The following FBXO2 variants were observed in gnomAD, a reference collection of about 807,000 sequenced individuals.
The protein encoded by FBXO2 is F-box only protein 2.
Under a neutral mutation model 38.6 loss-of-function variants are expected in FBXO2, and 32 were observed. That is an observed-to-expected ratio of 0.83 (90% CI 0.62 to 1.11). The LOEUF is 1.11. Among genes scored for constraint, FBXO2 ranks in the 50% most tolerant of loss-of-function variants. The pLI, the probability that FBXO2 is intolerant of heterozygous loss-of-function variation, is 0.00. For missense variants in FBXO2, 450 were observed against 418.3 expected, an observed-to-expected ratio of 1.08 and a Z score of -0.66; for synonymous variants, 189 against 182.9, an observed-to-expected ratio of 1.03 and a Z score of -0.27.
In FBXO2 at chr1:11,648,444, TGCAGGGAATCA is replaced by T. The variant is rs1639452527; in HGVS notation, c.*239_*249del. 2 of 556,448 alleles carry T rather than the reference TGCAGGGAATCA, an allele frequency of 3.6e-6. No individual in the cohort carries two copies. Among genetic ancestry groups the T allele is most frequent in the Non-Finnish European group, 6.4e-6 (2 of 311,294 alleles). The allele number at this position is 556,448 out of a possible 1,614,324, so 34.5% of individuals were successfully genotyped here. On this transcript the variant is annotated 3_prime_UTR_variant, in exon 6 of 6. Coordinates refer to ENST00000354287, the MANE Select transcript of FBXO2 (RefSeq NM_012168.6). The surrounding 1 kb of genome is among the most constrained non-coding windows in gnomAD (Gnocchi z 4.2). Reference sequence around the variant, plus strand: ...ACTTTGTGGCAAGCACTGTGCTAGGTGCAGGGAATCAGCAGTGGGTCCAGTCCAAGCTCACG... The same window carrying T: ...ACTTTGTGGCAAGCACTGTGCTAGGTGCAGTGGGTCCAGTCCAAGCTCACG...
At chr1:11,650,860 T>C in intron 1 of FBXO2, 26 bp from the exon 2 acceptor site, 1 of 1,557,730 alleles carries the variant, frequency 6.4e-7, no homozygotes, top group Non-Finnish European at 8.6e-7. Context: ...GGTGGGAGGC[T>C]GTGATTCCTC....
intron 1 of FBXO2, among the ~76,000 whole-genome samples, chr1:11,651,202 T>C (rs1639516267): frequency 6.6e-6 from 1 of 152,226 alleles, no homozygotes; most frequent in Admixed American, 6.5e-5. Flanking sequence ...CTGAGATTCC[T>C]GCTCCCCTCA....
rs974271454 is a variant in FBXO2, at chr1:11,648,618, A to T, written c.*76T>A. The T allele has an allele frequency of 6.4e-7, 1 of 1,563,602 alleles. No individual in the cohort carries two copies. Among genetic ancestry groups the T allele is most frequent in the Non-Finnish European group, 8.7e-7 (1 of 1,145,176 alleles). On this transcript the variant is annotated 3_prime_UTR_variant, in exon 6 of 6. Transcript: ENST00000354287. This position sits in a 1 kb window ranked among gnomAD's most constrained non-coding sequence, Gnocchi z 4.2. ...GTGGCTTGGGGAAGGTGAGGACGCT[A>T]TGGACTAAGTTAAGGCCTATCTACC...
chr1:11,651,786 A>G (rs1639524646), intron 1 of FBXO2, among the ~76,000 whole-genome samples: 1 of 151,772 alleles, frequency 6.6e-6, no homozygotes. Flanking sequence ...CCTCCCGGGT[A>G]GCTGGAAGCT....
intron 2 of FBXO2, 128 bp from the exon 3 acceptor site, chr1:11,650,202 G>A: frequency 7.1e-7 from 1 of 1,414,320 alleles, no homozygotes; most frequent in Non-Finnish European, 9.6e-7. Flanking sequence ...GAATGAGAGG[G>A]TGGACCAGTG....
rs1420255000 is a variant in FBXO2, at chr1:11,650,623, C to T, written c.234G>A (p.Trp78Ter). ...GCGGGGCGCCGTCCACCAGCTCCTTCCAGCGCAGGCACACCAGGCGGCAGG... is the reference window on the plus strand; with the variant it reads ...GCGGGGCGCCGTCCACCAGCTCCTTTCAGCGCAGGCACACCAGGCGGCAGG... ...VQACRLVCLR[W>*]KELVDGAPLW... The change falls in exon 2 of 6, where the codon TGG (tryptophan) becomes TGA (stop). Residue 78 changes from tryptophan (W) to a stop codon, truncating the protein, a stop_gained. Coordinates refer to ENST00000354287, the MANE Select transcript of FBXO2 (RefSeq NM_012168.6). LOFTEE classifies it high-confidence loss of function. The T allele has an allele frequency of 1.3e-6, 2 of 1,585,692 alleles. No individual in the cohort carries two copies. Among genetic ancestry groups the T allele is most frequent in the East Asian group, 2.3e-5 (1 of 43,956 alleles).
In FBXO2 at chr1:11,650,664, CG is replaced by C. The variant is rs766533338; in HGVS notation, c.192del (p.Ala65ProfsTer52). 1 of 1,548,276 alleles carries C rather than the reference CG, an allele frequency of 6.5e-7. No individual in the cohort carries two copies. The highest frequency in any genetic ancestry group is 8.7e-7 in the Non-Finnish European group (1 of 1,152,688). ...AGGCGGCAGGCCTGCACCAGCTCGG[CG>C]GCCGGCAGTGCGGCCAGCACGCGCA... ...LLLRVLAALP[A>X]AELVQACRLV... On this transcript the variant is annotated frameshift_variant, in exon 2 of 6. Coordinates refer to ENST00000354287, the MANE Select transcript of FBXO2 (RefSeq NM_012168.6). LOFTEE classifies it high-confidence loss of function.
Position 11,650,850 on chromosome 1 carries a change from G to A in FBXO2, c.23-16C>T, listed in dbSNP as rs1251653888. The stretch of plus-strand genomic sequence containing the variant: ...CCCACGCTCTCTGCAGGCAGGGATG[G>A]GTGGGAGGCTGTGATTCCTCCACCC... On this transcript the variant is annotated splice_polypyrimidine_tract_variant and intron_variant, in intron 1 of 5. Coordinates refer to ENST00000354287, the MANE Select transcript of FBXO2 (RefSeq NM_012168.6). 1.3e-6 allele frequency: 2 copies of A among 1,556,790 alleles called. No individual in the cohort carries two copies. The highest frequency in any genetic ancestry group is 1.2e-5 in the South Asian group (1 of 86,284).
Position 11,650,781 on chromosome 1 carries a change from T to C in FBXO2, c.76A>G (p.Ser26Gly), listed in dbSNP as rs764571902. 2 of 1,535,078 alleles carry C rather than the reference T, an allele frequency of 1.3e-6. No homozygotes were observed. The highest frequency in any genetic ancestry group is 2.5e-5 in the East Asian group (1 of 40,650). ...TCCTCCGGCCGCTCCTCCTCAGCAC[T>C]CGCCTCCTCTGGCTGCTCCTCCGGG... ...ASPEEQPEEA[S>G]AEEERPEDQQ... The change falls in exon 2 of 6, where the codon AGT (serine) becomes GGT (glycine). Residue 26 changes from serine (S) to glycine (G), a missense_variant. Coordinates refer to ENST00000354287, the MANE Select transcript of FBXO2 (RefSeq NM_012168.6).
At chr1:11,650,895 G>T in intron 1 of FBXO2, 61 bp from the exon 2 acceptor site, 2 of 1,528,464 alleles carry the variant, frequency 1.3e-6, no homozygotes, top group South Asian at 1.2e-5. Context: ...CCAGGCCCCA[G>T]GACTGCAATG....
intron 1 of FBXO2, among the ~76,000 whole-genome samples, chr1:11,653,214 C>T (rs1007103292): frequency 2.0e-5 from 3 of 152,198 alleles, no homozygotes; most frequent in African/African-American, 7.2e-5. Flanking sequence ...TGATGCTCCC[C>T]GAAAGGTGCA....
intron 1 of FBXO2, chr1:11,653,331 T>C (rs938802402): frequency 3.3e-5 from 5 of 152,476 alleles, no homozygotes; most frequent in African/African-American, 1.2e-4. Context: ...CCCACATTGT[T>C]GCCGGCGGAA....
Position 11,648,767 on chromosome 1 carries a change from C to A in FBXO2, c.818G>T (p.Gly273Val). 2 of 1,613,734 alleles carry A rather than the reference C, an allele frequency of 1.2e-6. No individual in the cohort carries two copies. Among genetic ancestry groups the A allele is most frequent in the Non-Finnish European group, 1.7e-6 (2 of 1,180,036 alleles). The change falls in exon 6 of 6, where the codon GGG becomes GTG. Residue 273 changes from glycine to valine, a missense_variant. Transcript: ENST00000354287. The surrounding 1 kb of genome is among the most constrained non-coding windows in gnomAD (Gnocchi z 4.2). ...GCCCTTCCAGTAGACGGAGTCCTGC[C>A]CCCCGTGCTCGAAGCGGACGAAGCG... ...GVRFVRFEHG[G>V]QDSVYWKGWF...
Position 11,649,105 on chromosome 1 carries a change from G to A in FBXO2, c.738C>T (p.Asp246=), listed in dbSNP as rs1275674212. 5 of 1,596,806 alleles carry A rather than the reference G, an allele frequency of 3.1e-6. No homozygotes were observed. The highest frequency in any genetic ancestry group is 2.3e-5 in the East Asian group (1 of 43,622). The part of the protein sequence containing the change: ...SGQVAVPQDS[D]GGGWMEISHT... ...GGCTCACCTCCATCCAGCCCCCGCC[G>A]TCACTGTCTTGGGGCACTGCCACCT... Residue 246 remains aspartate (D), a synonymous_variant, in exon 5 of 6, where the codon GAC becomes GAT. Transcript: ENST00000354287.
intron 1 of FBXO2, among the ~76,000 whole-genome samples, chr1:11,652,667 A>G (rs1438068786): frequency 6.6e-6 from 1 of 152,228 alleles, no homozygotes; most frequent in African/African-American, 2.4e-5. Context: ...GATCAGGAAG[A>G]CTACAGCTCT....
At chr1:11,653,542 G>A (rs1377251154) in intron 1 of FBXO2, 2 of 152,636 alleles carry the variant, frequency 1.3e-5, no homozygotes, top group Non-Finnish European at 2.9e-5. Flanking sequence ...GCGGGGGAAT[G>A]GGGGGTGAGG....
Position 11,648,972 on chromosome 1 carries a change from T to TCAGC in FBXO2, c.756+111_756+114dup. 2 of 713,238 alleles carry TCAGC rather than the reference T, an allele frequency of 2.8e-6. No individual in the cohort carries two copies. Among genetic ancestry groups the TCAGC allele is most frequent in the Admixed American group, 4.2e-5 (1 of 23,928 alleles). 44.2% of individuals were successfully genotyped at this position (713,238 alleles called of 1,614,324 possible). A position where few individuals can be genotyped will look rare whatever the true frequency, so the allele number is the denominator to read the frequency against. On this transcript the variant is annotated intron_variant, in intron 5 of 5. Transcript: ENST00000354287. The surrounding 1 kb of genome is among the most constrained non-coding windows in gnomAD (Gnocchi z 4.2). ...CTCTCTCCACCACCCGGTGACTATC[T>TCAGC]CAGCCCAGCCCAGCCCAGCCCACCC...
chr1:11,648,628 T>C lies in FBXO2; in HGVS notation c.*66A>G. 6.3e-7 allele frequency: 1 copy of C among 1,588,202 alleles called. No individual in the cohort carries two copies. Among genetic ancestry groups the C allele is most frequent in the Non-Finnish European group, 8.6e-7 (1 of 1,162,032 alleles). ...GAAGGTGAGGACGCTATGGACTAAG[T>C]TAAGGCCTATCTACCCTCGACCTTT... On this transcript the variant is annotated 3_prime_UTR_variant, in exon 6 of 6. Coordinates refer to ENST00000354287, the MANE Select transcript of FBXO2 (RefSeq NM_012168.6). This position sits in a 1 kb window ranked among gnomAD's most constrained non-coding sequence, Gnocchi z 4.2.
chr1:11,654,124 T>A (rs1294305417), intron 1 of FBXO2, 195 bp downstream of exon 1: 2 of 537,952 alleles, frequency 3.7e-6, no homozygotes, highest in African/African-American at 4.0e-5. Flanking sequence ...GCCAGTCGCC[T>A]CTCAAGGCCT....
Sources: gnomAD v4.1 joint callset for allele counts (sites outside exome capture counted in the v4.1 genomes callset) on GRCh38, gnomAD v4.1.1 for gene constraint, Gnocchi (gnomAD v3.1) non-coding constraint, MANE v1.5 for transcripts, NCBI Gene and HGNC (gene_info 2026-07-23, HGNC 2026-07-21) for gene names.